The following MID1 variants were observed in gnomAD, a reference collection of about 807,000 sequenced individuals.
MID1 encodes the protein E3 ubiquitin-protein ligase Midline-1.
A neutral mutation model predicts 40.4 loss-of-function variants in MID1; 7 were observed. That is an observed-to-expected ratio of 0.17 (90% confidence interval 0.10 to 0.33). The LOEUF is 0.33. Among genes scored for constraint, MID1 ranks in the 10% least tolerant of loss-of-function variants. The probability of loss-of-function intolerance (pLI) is 1.00; values close to 1 mark genes in which losing one functional copy is unlikely to be tolerated. For missense variants in MID1, 367 were observed against 558.5 expected, an observed-to-expected ratio of 0.66 and a Z score of 3.46; for synonymous variants, 229 against 221.2, an observed-to-expected ratio of 1.04 and a Z score of -0.31.
chrX:10,704,716 G>GTGTATA (rs1555916204), intron 1 of MID1, among the ~76,000 whole-genome samples: 2 of 78,078 alleles, frequency 2.6e-5, no homozygotes, highest in South Asian at 7.1e-4. Context: ...GTGTGTGTGT[G>GTGTATA]TATATATATA....
At chrX:10,580,280 G>C (rs1233573888) in intron 1 of MID1, among the ~76,000 whole-genome samples, 3 of 98,501 alleles carry the variant, frequency 3.0e-5, no homozygotes, top group Non-Finnish European at 3.9e-5. Flanking sequence ...TACTGGTTCT[G>C]TCAAATAACT....
At chrX:10,454,293 T>C (rs918446309) in intron 9 of MID1, among the ~76,000 whole-genome samples, 2 of 112,170 alleles carry the variant, frequency 1.8e-5, no homozygotes, top group Admixed American at 1.9e-4. Flanking sequence ...TCTAGAACCA[T>C]AAAACATACA....
chrX:10,795,113 A>G (rs1233856847), intron 1 of MID1, among the ~76,000 whole-genome samples: 2 of 111,335 alleles, frequency 1.8e-5, no homozygotes, highest in African/African-American at 3.3e-5. Flanking sequence ...CTCCACCCAC[A>G]CTGGATGCCA....
At chrX:10,666,621 C>A (rs2042953072) in intron 1 of MID1, among the ~76,000 whole-genome samples, 1 of 111,448 alleles carries the variant, frequency 9.0e-6, no homozygotes, top group Non-Finnish European at 1.9e-5. Context: ...TTCAAAGATA[C>A]TCGGCCTAGT....
At chrX:10,507,764 A>G (rs757807001) in intron 3 of MID1, among the ~76,000 whole-genome samples, 29 of 112,684 alleles carry the variant, frequency 2.6e-4, no homozygotes, top group African/African-American at 9.3e-4. Context: ...TTCGCACCAA[A>G]AACAAAGAAG....
chrX:10,470,490 A>G (rs1173893138), intron 6 of MID1, among the ~76,000 whole-genome samples: 1 of 112,172 alleles, frequency 8.9e-6, no homozygotes, highest in East Asian at 2.8e-4. Context: ...AATCAGCCAC[A>G]TAATTGTTTG....
intron 1 of MID1, among the ~76,000 whole-genome samples, chrX:10,685,687 C>T (rs1242739607): frequency 2.7e-5 from 3 of 111,282 alleles, no homozygotes; most frequent in East Asian, 2.8e-4. Flanking sequence ...ACACGCTGTC[C>T]GTGCTTTGTT....
intron 1 of MID1, among the ~76,000 whole-genome samples, chrX:10,669,168 G>A (rs2042970914): frequency 9.9e-6 from 1 of 100,936 alleles, no homozygotes; most frequent in Admixed American, 1.1e-4. Flanking sequence ...GCAGTGAGCC[G>A]AGATTGCACC....
chrX:10,506,069 C>T (rs1034533148), intron 3 of MID1: 2 of 787,524 alleles, frequency 2.5e-6, no homozygotes, highest in African/African-American at 4.4e-5. Flanking sequence ...ATGACGCACC[C>T]ACAAGTGATA....
chrX:10,585,501 A>G (rs776684187), intron 1 of MID1, among the ~76,000 whole-genome samples: 5 of 112,440 alleles, frequency 4.4e-5, no homozygotes, highest in African/African-American at 1.6e-4. Context: ...TGACACATTC[A>G]GTTCATCATA....
At chrX:10,723,676 G>C (rs1361678886) in intron 1 of MID1, among the ~76,000 whole-genome samples, 1 of 111,916 alleles carries the variant, frequency 8.9e-6, no homozygotes, top group Non-Finnish European at 1.9e-5. Context: ...CTCAGCCTCC[G>C]GAGTAGCTGG....
chrX:10,516,601 TGTGTGTGTGCGC>T lies in MID1; in HGVS notation c.756+6479_756+6490del, dbSNP rs772562949. Among the ~76,000 whole-genome samples the T allele has an allele frequency of 9.4e-3, 672 of 71,340 alleles. 7 individuals carry two copies. The highest frequency in any genetic ancestry group is 0.041 in the African/African-American group (610 of 14,886). 62.0% of individuals were successfully genotyped at this position (71,340 alleles called of 115,157 possible). On this transcript the variant is annotated intron_variant, in intron 3 of 9. Transcript: ENST00000317552. ...GTGTGTGTGTGTGTGTGTGTGTGTG[TGTGTGTGTGCGC>T]GCGCGCACGCGTGTGTTTTAAGAGA...
intron 3 of MID1, among the ~76,000 whole-genome samples, chrX:10,510,401 A>C (rs1254529662): frequency 8.9e-6 from 1 of 112,047 alleles, no homozygotes; most frequent in East Asian, 2.8e-4. Flanking sequence ...TTTAAACTGC[A>C]TTTATCAATT....
chrX:10,743,351 A>G (rs1465991409), intron 1 of MID1, among the ~76,000 whole-genome samples: 3 of 112,762 alleles, frequency 2.7e-5, no homozygotes, highest in Non-Finnish European at 3.7e-5. Flanking sequence ...TTGGCCAAAG[A>G]TAAATACGAA....
intron 1 of MID1, among the ~76,000 whole-genome samples, chrX:10,777,443 C>T (rs1428567409): frequency 9.0e-6 from 1 of 110,668 alleles, no homozygotes; most frequent in Non-Finnish European, 1.9e-5. Context: ...GTGATTCGCC[C>T]GCCTCGGCCT....
At chrX:10,544,974 T>C (rs1398750569) in intron 2 of MID1, among the ~76,000 whole-genome samples, 1 of 112,078 alleles carries the variant, frequency 8.9e-6, no homozygotes, top group East Asian at 2.8e-4. Flanking sequence ...TTGTTTTTCC[T>C]GAGACTGAGT....
intron 3 of MID1, among the ~76,000 whole-genome samples, chrX:10,502,565 A>G (rs904778022): frequency 1.4e-4 from 16 of 111,557 alleles, no homozygotes; most frequent in African/African-American, 5.2e-4. Context: ...ACCCCGGCCC[A>G]CCATTACTGC....
intron 1 of MID1, among the ~76,000 whole-genome samples, chrX:10,575,151 C>T (rs1166439413): frequency 4.5e-5 from 5 of 112,269 alleles, no homozygotes; most frequent in Admixed American, 9.4e-5. Flanking sequence ...CTTGATTGTC[C>T]GCTCCTCTTA....
intron 2 of MID1, among the ~76,000 whole-genome samples, chrX:10,530,567 T>C (rs935125125): frequency 1.8e-5 from 2 of 112,353 alleles, no homozygotes; most frequent in African/African-American, 6.5e-5. Context: ...TTATTTTTAA[T>C]GCACACATTT....
Sources: allele counts gnomAD v4.1 joint callset (sites outside exome capture counted in the v4.1 genomes callset), GRCh38; gene constraint gnomAD v4.1.1; transcripts MANE v1.5; gene names NCBI Gene and HGNC (gene_info 2026-07-23, HGNC 2026-07-21).